Variants in FOXP1 observed in about 807,000 individuals in gnomAD.
FOXP1 encodes the protein forkhead box P1, also known as forkhead box protein P1.
FOXP1 carries 15 observed loss-of-function variants against 98.2 expected under a neutral mutation model. The ratio of observed to expected loss-of-function variants is 0.15; its 90% CI spans 0.10 to 0.24. The LOEUF is 0.24. Ranked by LOEUF, FOXP1 falls within the 10% of genes least tolerant of loss-of-function variation. The pLI is 1.00. For synonymous variants in FOXP1, 371 were observed against 314.5 expected (o/e 1.18, Z -1.90); for missense variants, 633 against 848.5 (o/e 0.75, Z 3.15).
At chr3:70,966,130 C>T in intron 19 of FOXP1, 74 bp from the exon 20 acceptor site, 1 of 1,214,574 alleles carries the variant, frequency 8.2e-7, no homozygotes, top group Non-Finnish European at 1.2e-6. Flanking sequence ...TATGGGTGTA[C>T]TCGATAATCT....
intron 5 of FOXP1, among the ~76,000 whole-genome samples, chr3:71,209,122 G>T (rs1489761650): frequency 6.6e-6 from 1 of 151,990 alleles, no homozygotes. Flanking sequence ...CAAAAAACAG[G>T]CCCCTTTAAG....
intron 1 of FOXP1, chr3:71,581,980 A>G: frequency 1.2e-6 from 1 of 862,436 alleles, no homozygotes; most frequent in Non-Finnish European, 1.4e-6. Context: ...GAATAGGGAG[A>G]AGGGGGTGGG....
chr3:71,178,842 C>T (rs1005644380), intron 6 of FOXP1, among the ~76,000 whole-genome samples: 2 of 151,402 alleles, frequency 1.3e-5, no homozygotes, highest in Non-Finnish European at 2.9e-5. Flanking sequence ...CAAGATCGCA[C>T]CACTGCACTG....
chr3:71,325,473 T>C (rs931222961), intron 4 of FOXP1, among the ~76,000 whole-genome samples: 2 of 91,160 alleles, frequency 2.2e-5, no homozygotes, highest in Admixed American at 1.4e-4. Context: ...CATCCTTCTA[T>C]GGTTTATGAA....
chr3:71,352,470 C>CA (rs34693899), intron 4 of FOXP1, among the ~76,000 whole-genome samples: 37,228 of 67,162 alleles, frequency 0.55, 12,106 homozygotes, highest in East Asian at 0.71. Context: ...GACTCCATCT[C>CA]AAAAAAAAAA....
intron 3 of FOXP1, among the ~76,000 whole-genome samples, chr3:71,438,059 T>A (rs2085540939): frequency 6.6e-6 from 1 of 152,202 alleles, no homozygotes; most frequent in African/African-American, 2.4e-5. Context: ...CTCTACTAGT[T>A]ATATGAAAGT....
chr3:71,033,109 A>G (rs2047092115), intron 11 of FOXP1, among the ~76,000 whole-genome samples: 1 of 152,342 alleles, frequency 6.6e-6, no homozygotes, highest in African/African-American at 2.4e-5. Context: ...ATAAATGTTA[A>G]GGAAAGCTAA....
chr3:71,315,261 C>T (rs2107642622), intron 4 of FOXP1, among the ~76,000 whole-genome samples: 1 of 152,148 alleles, frequency 6.6e-6, no homozygotes, highest in South Asian at 2.1e-4. Context: ...GGCACAGAAC[C>T]ACTTTCCAGC....
chr3:71,216,873 T>C (rs1023991885), intron 5 of FOXP1, among the ~76,000 whole-genome samples: 1 of 152,062 alleles, frequency 6.6e-6, no homozygotes, highest in Non-Finnish European at 1.5e-5. Flanking sequence ...TGAGGACCAT[T>C]TTGGTTGTCA....
At chr3:71,446,508 T>C (rs2086458786) in intron 3 of FOXP1, among the ~76,000 whole-genome samples, 1 of 151,230 alleles carries the variant, frequency 6.6e-6, no homozygotes, top group South Asian at 2.1e-4. Flanking sequence ...AAGCTAGAGA[T>C]AGGGCTGAGG....
At chr3:70,979,279 CAAAAAAAAAAAAAAAAAAAAAAAAAA>C (rs544916383) in intron 14 of FOXP1, among the ~76,000 whole-genome samples, 4 of 42,552 alleles carry the variant, frequency 9.4e-5, no homozygotes, top group Admixed American at 6.2e-4. Flanking sequence ...GACTCTACCT[CAAAAAAAAAAAAAAAAAAAAAAAAAA>C]AAAAAAAAAA....
At chr3:71,355,324 G>A (rs1268429139) in intron 4 of FOXP1, among the ~76,000 whole-genome samples, 1 of 152,164 alleles carries the variant, frequency 6.6e-6, no homozygotes, top group East Asian at 1.9e-4. Context: ...CCTACTTCTT[G>A]CTTATTACCT....
chr3:71,555,480 A>C (rs916636234), intron 2 of FOXP1, among the ~76,000 whole-genome samples: 1 of 152,262 alleles, frequency 6.6e-6, no homozygotes, highest in Non-Finnish European at 1.5e-5. Flanking sequence ...ACTTTAGCAT[A>C]AAATGAAAAA....
intron 6 of FOXP1, among the ~76,000 whole-genome samples, chr3:71,197,673 G>A (rs929191644): frequency 2.0e-5 from 3 of 152,150 alleles, no homozygotes; most frequent in Non-Finnish European, 4.4e-5. Context: ...ACTCGTAGAG[G>A]GAAGCAGCTT....
At chr3:71,241,728 C>T (rs1157786285) in intron 5 of FOXP1, among the ~76,000 whole-genome samples, 4 of 152,214 alleles carry the variant, frequency 2.6e-5, no homozygotes, top group Admixed American at 6.5e-5. Context: ...TTACTCTCAG[C>T]TTAACTGCAT....
intron 4 of FOXP1, among the ~76,000 whole-genome samples, chr3:71,341,540 G>A (rs1305527763): frequency 1.3e-5 from 2 of 151,988 alleles, no homozygotes; most frequent in Admixed American, 6.6e-5. Flanking sequence ...AGGCAGAGGC[G>A]GGTGGATCAC....
chr3:71,082,238 C>A (rs2054506809), intron 7 of FOXP1, among the ~76,000 whole-genome samples: 1 of 149,812 alleles, frequency 6.7e-6, no homozygotes. Context: ...GAGATTGCAC[C>A]ACCGCACTCC....
chr3:71,142,702 T>C (rs1160061887), intron 6 of FOXP1, among the ~76,000 whole-genome samples: 1 of 152,214 alleles, frequency 6.6e-6, no homozygotes, highest in Non-Finnish European at 1.5e-5. Context: ...CCGGAGCCTC[T>C]TGACGAGGAA....
At chr3:71,295,437 A>C (rs1465845461) in intron 5 of FOXP1, among the ~76,000 whole-genome samples, 2 of 152,180 alleles carry the variant, frequency 1.3e-5, no homozygotes, top group East Asian at 3.8e-4. Flanking sequence ...TGTTATCTAC[A>C]AGGATGCATT....
Sources: allele counts gnomAD v4.1 joint callset (sites outside exome capture counted in the v4.1 genomes callset), GRCh38; gene constraint gnomAD v4.1.1; transcripts MANE v1.5; gene names NCBI Gene and HGNC (gene_info 2026-07-23, HGNC 2026-07-21).